SMARCB1: variants seen among roughly 807,000 people sequenced by gnomAD.
SMARCB1 encodes the protein SWI/SNF related BAF chromatin remodeling complex subunit B1.
In SMARCB1, 5 loss-of-function variants were observed where a neutral mutation model predicts 49.0. The ratio of observed to expected loss-of-function variants is 0.10; its 90% confidence interval spans 0.05 to 0.21. The LOEUF is 0.21. Ranked by LOEUF, SMARCB1 falls within the 10% of genes least tolerant of loss-of-function variation. The pLI is 1.00. For synonymous variants in SMARCB1, 201 were observed against 200.1 expected, an observed-to-expected ratio of 1.00 and a Z score of -0.04; for missense variants, 226 against 509.2, an observed-to-expected ratio of 0.44 and a Z score of 5.35.
At chr22:23,789,668 C>A (rs913506156) in intron 1 of SMARCB1, among the ~76,000 whole-genome samples, 5 of 152,218 alleles carry the variant, frequency 3.3e-5, no homozygotes, top group African/African-American at 1.2e-4. Context: ...TAAGAATAAT[C>A]TTCCTGAGAC....
Position 23,835,448 on chromosome 22 carries a change from T to G in SMARCB1, c.*1268T>G. 1.0e-6 allele frequency: 1 copy of G among 986,056 alleles called. No individual in the cohort carries two copies. Among genetic ancestry groups the G allele is most frequent in the Non-Finnish European group, 1.2e-6 (1 of 830,444 alleles). The allele number at this position is 986,056 out of a possible 1,614,324, so 61.1% of individuals were successfully genotyped here. A position where few individuals can be genotyped will look rare whatever the true frequency, so the allele number is the denominator to read the frequency against. On this transcript the variant is annotated 3_prime_UTR_variant, in exon 9 of 9. Coordinates refer to ENST00000644036, the MANE Select transcript of SMARCB1 (RefSeq NM_003073.5). ...TCCCTGGAAGTGGGGTAGGGCCCCA[T>G]GTGGGGCAGAGGCAGAGCTCTGATT...
intron 7 of SMARCB1, among the ~76,000 whole-genome samples, chr22:23,832,928 CAG>C (rs1205210479): frequency 1.3e-5 from 2 of 152,084 alleles, no homozygotes; most frequent in Admixed American, 6.5e-5. Flanking sequence ...AGACCCAGGG[CAG>C]AGTGTGGTCC....
At chr22:23,826,926 C>A (rs1265175746) in intron 7 of SMARCB1, among the ~76,000 whole-genome samples, 1 of 152,136 alleles carries the variant, frequency 6.6e-6, no homozygotes, top group East Asian at 1.9e-4. Flanking sequence ...ACAGACAGGG[C>A]AGCCCAGAGA....
chr22:23,796,712 G>C (rs79277445), intron 3 of SMARCB1, among the ~76,000 whole-genome samples: 1,758 of 152,256 alleles, frequency 0.012, 35 homozygotes, highest in African/African-American at 0.038. Flanking sequence ...CTTTAATTCT[G>C]CACATGTCAG....
At position 23,834,208 on chromosome 22, in the gene SMARCB1, G is replaced by C. The variant is rs2146045713; in HGVS notation, c.*28G>C. ...AGCCCATCAGCACACGGCTCCCACG[G>C]AGCATCTCAGAAGATTGGGCCGCCT... On this transcript the variant is annotated 3_prime_UTR_variant, in exon 9 of 9. Transcript: ENST00000644036. The C allele has an allele frequency of 6.4e-7, 1 of 1,571,138 alleles. No individual in the cohort carries two copies. Among genetic ancestry groups the C allele is most frequent in the Non-Finnish European group, 8.6e-7 (1 of 1,158,096 alleles).
chr22:23,834,297 TG>T lies in SMARCB1; in HGVS notation c.*122del, dbSNP rs1022915222. ...GCCCAGCGCCATCCTGAGGATCGGG[TG>T]GGGGTGGAGTGGGGGCTTCCAGGTG... On this transcript the variant is annotated 3_prime_UTR_variant, in exon 9 of 9. Coordinates refer to ENST00000644036, the MANE Select transcript of SMARCB1 (RefSeq NM_003073.5). 17 of 1,158,826 alleles carry T rather than the reference TG, an allele frequency of 1.5e-5. No homozygotes were observed. The African/African-American group carries it at 1.8e-4, about 13-fold the overall frequency. 71.8% of individuals were successfully genotyped at this position (1,158,826 alleles called of 1,614,324 possible). A position where few individuals can be genotyped will look rare whatever the true frequency, so the allele number is the denominator to read the frequency against.
chr22:23,823,097 G>A (rs1368277143), intron 6 of SMARCB1: 1 of 146,344 alleles, frequency 6.8e-6, no homozygotes, highest in African/African-American at 2.5e-5. Context: ...CTACAGACAT[G>A]TACCACCTCA....
At chr22:23,834,092 C>A (rs2030830104) in intron 8 of SMARCB1, 49 bp from the exon 9 acceptor site, 3 of 1,552,382 alleles carry the variant, frequency 1.9e-6, no homozygotes, top group African/African-American at 2.7e-5. Context: ...GGGCAGCGCC[C>A]AGGCTGGGAG....
At chr22:23,828,682 C>T (rs2030505218) in intron 7 of SMARCB1, among the ~76,000 whole-genome samples, 1 of 152,138 alleles carries the variant, frequency 6.6e-6, no homozygotes, top group Admixed American at 6.5e-5. Context: ...GGACCTAGGT[C>T]ACTCCATAAT....
At chr22:23,810,312 G>A (rs574287739) in intron 5 of SMARCB1, among the ~76,000 whole-genome samples, 97 of 151,252 alleles carry the variant, frequency 6.4e-4, no homozygotes, top group African/African-American at 2.3e-3. Flanking sequence ...GGATCACAAG[G>A]TCAGGAGTTT....
At chr22:23,828,482 C>G (rs552548587) in intron 7 of SMARCB1, among the ~76,000 whole-genome samples, 1 of 152,026 alleles carries the variant, frequency 6.6e-6, no homozygotes, top group Non-Finnish European at 1.5e-5. Flanking sequence ...GGCAAAACCC[C>G]GTCTCTACTA....
In SMARCB1 at chr22:23,834,133, T is replaced by A. The variant is rs763490706; in HGVS notation, c.1119-8T>A. On this transcript the variant is annotated splice_polypyrimidine_tract_variant and splice_region_variant and intron_variant, in intron 8 of 8. Transcript: ENST00000644036. Reference sequence around the variant, plus strand: ...CCCGACTCATTGCCCTCCCCACTCCTCTTCCAGGCGGATGAGGCGTCTTGC... The same window carrying A: ...CCCGACTCATTGCCCTCCCCACTCCACTTCCAGGCGGATGAGGCGTCTTGC... 1.1e-4 allele frequency: 175 copies of A among 1,586,504 alleles called. No homozygotes were observed. Among genetic ancestry groups the A allele is most frequent in the Non-Finnish European group, 1.5e-4 (172 of 1,166,802 alleles).
At chr22:23,830,647 A>ATTTT (rs2030605923) in intron 7 of SMARCB1, among the ~76,000 whole-genome samples, 1 of 85,950 alleles carries the variant, frequency 1.2e-5, no homozygotes, top group African/African-American at 5.0e-5. Context: ...AGTCCAATTT[A>ATTTT]TCTTTTTTTT....
chr22:23,827,681 G>A (rs987024593), intron 7 of SMARCB1, among the ~76,000 whole-genome samples: 1 of 152,212 alleles, frequency 6.6e-6, no homozygotes, highest in African/African-American at 2.4e-5. Context: ...AGATGGAGAG[G>A]CGGCCTGCCT....
At position 23,836,918 on chromosome 22, in the gene SMARCB1, G is replaced by A. The variant is rs950737990; in HGVS notation, c.*2738G>A. 1 of 1,538,018 alleles carries A rather than the reference G, an allele frequency of 6.5e-7. No homozygotes were observed. The highest frequency in any genetic ancestry group is 8.7e-7 in the Non-Finnish European group (1 of 1,144,216). ...GGGTCCTGGCTGTTCCTCAGGGAGGGGCAGGTAATTGGGGTCTTCTGCAGG... is the reference window on the plus strand; with the variant it reads ...GGGTCCTGGCTGTTCCTCAGGGAGGAGCAGGTAATTGGGGTCTTCTGCAGG... On this transcript the variant is annotated 3_prime_UTR_variant, in exon 9 of 9. Coordinates refer to ENST00000644036, the MANE Select transcript of SMARCB1 (RefSeq NM_003073.5).
At chr22:23,796,890 A>G (rs1928782043) in intron 3 of SMARCB1, among the ~76,000 whole-genome samples, 1 of 152,166 alleles carries the variant, frequency 6.6e-6, no homozygotes, top group Non-Finnish European at 1.5e-5. Context: ...CAGTCAGCCC[A>G]ATAAGGGGAC....
At chr22:23,828,753 G>GC (rs1278106240) in intron 7 of SMARCB1, among the ~76,000 whole-genome samples, 2 of 152,218 alleles carry the variant, frequency 1.3e-5, no homozygotes, top group African/African-American at 4.8e-5. Flanking sequence ...AGAGCTCAGT[G>GC]CCTGACTTCC....
rs2031209435 is a variant in SMARCB1 at position 23,837,762 on chromosome 22, C to A, written c.*3582C>A. 3.7e-6 allele frequency: 6 copies of A among 1,613,894 alleles called. No individual in the cohort carries two copies. The highest frequency in any genetic ancestry group is 4.2e-6 in the Non-Finnish European group (5 of 1,180,026). ...AAGTGAGCAGGCCGAAGAAGTTGACCCTCACCCGAGGGCTGCGGCGGCTCC... is the reference window on the plus strand; with the variant it reads ...AAGTGAGCAGGCCGAAGAAGTTGACACTCACCCGAGGGCTGCGGCGGCTCC... On this transcript the variant is annotated 3_prime_UTR_variant, in exon 9 of 9. Transcript: ENST00000644036.
Position 23,834,914 on chromosome 22 carries a change from C to A in SMARCB1, c.*734C>A. ...TGGTCAGGCTACTGCCAGCTGGGGC[C>A]TTGCTGCTCTGAAGTCCCCTGCGGA... On this transcript the variant is annotated 3_prime_UTR_variant, in exon 9 of 9. Coordinates refer to ENST00000644036, the MANE Select transcript of SMARCB1 (RefSeq NM_003073.5). 1 of 1,610,814 alleles carries A rather than the reference C, an allele frequency of 6.2e-7. No individual in the cohort carries two copies.
Sources: gnomAD v4.1 joint callset for allele counts (sites outside exome capture counted in the v4.1 genomes callset) on GRCh38, gnomAD v4.1.1 for gene constraint, MANE v1.5 for transcripts, NCBI Gene and HGNC (gene_info 2026-07-23, HGNC 2026-07-21) for gene names.